KIF1C: variants seen among roughly 807,000 people sequenced by gnomAD.
The protein encoded by KIF1C is kinesin-like protein KIF1C.
KIF1C carries 61 observed loss-of-function variants against 126.5 expected under a neutral mutation model. The ratio of observed to expected loss-of-function variants is 0.48; its 90% CI spans 0.39 to 0.60. KIF1C has a LOEUF of 0.60. Among genes scored for constraint, KIF1C ranks in the 20% least tolerant of loss-of-function variants. The pLI, the probability that KIF1C is intolerant of heterozygous loss-of-function variation, is 0.00. For synonymous variants in KIF1C, 640 were observed against 580.6 expected, an observed-to-expected ratio of 1.10 and a Z score of -1.47; for missense variants, 1,315 against 1,489.2, an observed-to-expected ratio of 0.88 and a Z score of 1.93.
Position 5,020,953 on chromosome 17 carries a change from C to A in KIF1C, c.2010+75C>A. 7.5e-7 allele frequency: 1 copy of A among 1,326,464 alleles called. No homozygotes were observed. Among genetic ancestry groups the A allele is most frequent in the Middle Eastern group, 2.1e-4 (1 of 4,696 alleles). The allele number at this position is 1,326,464 out of a possible 1,614,324, so 82.2% of individuals were successfully genotyped here. ...AGCCTGAGTCCGAGTGCAGTGCTCA[C>A]CGCTGAGCCAGAGTGGGAAATGGGC... On this transcript the variant is annotated intron_variant, in intron 21 of 22. Transcript: ENST00000320785. The surrounding 1 kb of genome is among the most constrained non-coding windows in gnomAD (Gnocchi z 5.8).
chr17:5,022,376 C>G lies in KIF1C; in HGVS notation c.2295C>G (p.Arg765=). Reference sequence around the variant, plus strand: ...ACGAGGTGGCCCTGGCTGACTTCCGCCACGGGCGGGCTGAGATTGAGGCCC... The same window carrying G: ...ACGAGGTGGCCCTGGCTGACTTCCGGCACGGGCGGGCTGAGATTGAGGCCC... The part of the protein sequence containing the change: ...ICYEVALADF[R]HGRAEIEALA... Residue 765 remains arginine (R), a synonymous_variant, in exon 22 of 23, where the codon CGC becomes CGG. Transcript: ENST00000320785. This position sits in a 1 kb window ranked among gnomAD's most constrained non-coding sequence, Gnocchi z 4.9. The G allele has an allele frequency of 6.3e-7, 1 of 1,582,308 alleles. No individual in the cohort carries two copies. The highest frequency in any genetic ancestry group is 8.6e-7 in the Non-Finnish European group (1 of 1,163,216).
intron 12 of KIF1C, 21 bp downstream of exon 12, chr17:5,004,666 A>G: frequency 1.9e-6 from 3 of 1,611,984 alleles, no homozygotes; most frequent in Non-Finnish European, 2.5e-6. Flanking sequence ...TGGCTCTAGC[A>G]GGGATGGGGC....
In KIF1C at chr17:5,022,166, G is replaced by C. The variant is rs1426525617; in HGVS notation, c.2085G>C (p.Leu695Phe). ...CEESWRLISSLREQLPPTTVQ... is the reference protein window; with the variant it reads ...CEESWRLISSFREQLPPTTVQ... ...AGAGCTGGAGGCTCATCTCCTCCTT[G>C]CGGGAGCAGCTGCCGCCCACCACGG... The change falls in exon 22 of 23, where the codon TTG (leucine) becomes TTC (phenylalanine). Residue 695 changes from leucine to phenylalanine, a missense_variant. Physicochemically the swap from Leu to Phe is conservative, Grantham distance 22 (BLOSUM62 0). This residue lies in a region of KIF1C where 874 missense variants were observed against 1,053.2 expected (regional missense o/e 0.83). Coordinates refer to ENST00000320785, the MANE Select transcript of KIF1C (RefSeq NM_006612.6). This position sits in a 1 kb window ranked among gnomAD's most constrained non-coding sequence, Gnocchi z 4.9. The C allele has an allele frequency of 6.2e-7, 1 of 1,614,032 alleles. No individual in the cohort carries two copies.
rs1381413047 is a variant in KIF1C at position 5,025,011 on chromosome 17, CA to C, written c.*861del. ...TCCGCCTCCTGAGTAGCTGGGATTACAGGCATGTGCCACCACGCCCGGCTCA... is the reference window on the plus strand; with the variant it reads ...TCCGCCTCCTGAGTAGCTGGGATTACGGCATGTGCCACCACGCCCGGCTCA... On this transcript the variant is annotated 3_prime_UTR_variant, in exon 23 of 23. Transcript: ENST00000320785. The C allele has an allele frequency of 6.6e-6, 1 of 152,156 alleles. No individual in the cohort carries two copies. The highest frequency in any genetic ancestry group is 6.6e-5 in the Admixed American group (1 of 15,258). 9.4% of individuals were successfully genotyped at this position (152,156 alleles called of 1,614,324 possible).
intron 16 of KIF1C, 69 bp from the exon 17 acceptor site, chr17:5,013,584 C>T (rs915681536): frequency 1.5e-5 from 17 of 1,155,684 alleles, no homozygotes; most frequent in Middle Eastern, 1.9e-4. Flanking sequence ...CTCCTCCCAC[C>T]GCTCCCTTTC....
rs747499692 is a variant in KIF1C at position 5,007,061 on chromosome 17, G to A, written c.1312G>A (p.Glu438Lys). ...CAACACGGAGTCCCAGATTGGGCCT[G>A]AGGAAGCCATGGAGAGGCTGCAGGT... Reference protein sequence around the residue: ...SPNTESQIGPEEAMERLQETE... With the variant: ...SPNTESQIGPKEAMERLQETE... Residue 438 changes from glutamate to lysine, a missense_variant, in exon 14 of 23, where the codon GAG becomes AAG. Physicochemically the swap from Glu to Lys is moderately conservative, Grantham distance 56 (BLOSUM62 1). Around this residue, in one of 2 missense-constraint regions of KIF1C, gnomAD observed 874 missense variants for 1,053.2 expected, o/e 0.83. Transcript: ENST00000320785. 4.3e-5 allele frequency: 68 copies of A among 1,598,914 alleles called. No individual in the cohort carries two copies. Among genetic ancestry groups the A allele is most frequent in the Non-Finnish European group, 5.6e-5 (66 of 1,175,290 alleles).
chr17:5,006,483 C>G (rs566024070), intron 13 of KIF1C, among the ~76,000 whole-genome samples: 1 of 151,680 alleles, frequency 6.6e-6, no homozygotes, highest in Admixed American at 6.6e-5. Context: ...ATTACAGGTG[C>G]CTGCCACCAC....
chr17:4,998,558 C>G (rs77239225), intron 1 of KIF1C, among the ~76,000 whole-genome samples: 14,782 of 152,284 alleles, frequency 0.097, 1,414 homozygotes, highest in African/African-American at 0.24. Context: ...CGTGCCACCC[C>G]ATCCCTGTCC....
intron 13 of KIF1C, among the ~76,000 whole-genome samples, chr17:5,005,314 A>G (rs1251659715): frequency 6.6e-6 from 1 of 152,248 alleles, no homozygotes; most frequent in African/African-American, 2.4e-5. Flanking sequence ...TTAAGAGGCT[A>G]GGCTACTGGG....
At position 5,020,779 on chromosome 17, in the gene KIF1C, C is replaced by A. The variant is rs1354733666; in HGVS notation, c.1938-27C>A. 6.3e-7 allele frequency: 1 copy of A among 1,597,268 alleles called. No individual in the cohort carries two copies. Among genetic ancestry groups the A allele is most frequent in the Admixed American group, 1.8e-5 (1 of 55,976 alleles). ...TTGTCAGATACTCACCAAGGTTGCT[C>A]TTCCTTCCCTCCCTGTCCAATCCCA... is the stretch of plus-strand genomic sequence containing the variant. On this transcript the variant is annotated intron_variant, in intron 20 of 22. Transcript: ENST00000320785. This position sits in a 1 kb window ranked among gnomAD's most constrained non-coding sequence, Gnocchi z 5.8.
At chr17:5,010,961 C>A (rs888412368) in intron 16 of KIF1C, among the ~76,000 whole-genome samples, 2 of 151,714 alleles carry the variant, frequency 1.3e-5, no homozygotes, top group Non-Finnish European at 2.9e-5. Context: ...CAGGCGCCCA[C>A]CACCACTCCT....
In KIF1C at chr17:5,022,831, C is replaced by G; in HGVS notation, c.2628+122C>G. The G allele has an allele frequency of 7.6e-7, 1 of 1,308,254 alleles. No individual in the cohort carries two copies. The highest frequency in any genetic ancestry group is 9.9e-7 in the Non-Finnish European group (1 of 1,011,876). The allele number at this position is 1,308,254 out of a possible 1,614,324, so 81.0% of individuals were successfully genotyped here. A position where few individuals can be genotyped will look rare whatever the true frequency, so the allele number is the denominator to read the frequency against. On this transcript the variant is annotated intron_variant, in intron 22 of 22. Transcript: ENST00000320785. The surrounding 1 kb of genome is among the most constrained non-coding windows in gnomAD (Gnocchi z 4.9). ...GAAAAAATTGCATTGAAGTATAGTACGTTTTTTTCAATATTGTTTACGAAC... is the reference window on the plus strand; with the variant it reads ...GAAAAAATTGCATTGAAGTATAGTAGGTTTTTTTCAATATTGTTTACGAAC...
chr17:5,015,347 G>C (rs1597857349), intron 18 of KIF1C, among the ~76,000 whole-genome samples: 1 of 151,792 alleles, frequency 6.6e-6, no homozygotes, highest in African/African-American at 2.4e-5. Flanking sequence ...GCAATGGCGC[G>C]ATCTGGGCTC....
At position 5,023,181 on chromosome 17, in the gene KIF1C, AT is replaced by A. The variant is rs200967354; in HGVS notation, c.2629-275del. 9.6e-4 allele frequency among the ~76,000 whole-genome samples: 140 copies of A among 145,630 alleles called. No homozygotes were observed. Among genetic ancestry groups the A allele is most frequent in the Admixed American group, 8.2e-4 (12 of 14,578 alleles). On this transcript the variant is annotated intron_variant, in intron 22 of 22. Coordinates refer to ENST00000320785, the MANE Select transcript of KIF1C (RefSeq NM_006612.6). The surrounding 1 kb of genome is among the most constrained non-coding windows in gnomAD (Gnocchi z 4.2). The stretch of plus-strand genomic sequence containing the variant: ...AGGCGCGCACCACCACACCCGGCTA[AT>A]TTTTTTTTTTTGTATTTTAGTAGAG...
intron 16 of KIF1C, chr17:5,011,811 T>G (rs1462009132): frequency 6.6e-6 from 1 of 152,316 alleles, no homozygotes; most frequent in African/African-American, 2.4e-5. Context: ...TTCCCTTCTG[T>G]ACCCTGTGCT....
At chr17:5,021,676 C>T (rs573118886) in intron 21 of KIF1C, among the ~76,000 whole-genome samples, 3 of 151,412 alleles carry the variant, frequency 2.0e-5, no homozygotes, top group Admixed American at 2.0e-4. Flanking sequence ...AGGTGGGGGT[C>T]TCACTACATT....
At chr17:5,014,432 G>C in intron 17 of KIF1C, 1 of 325,462 alleles carries the variant, frequency 3.1e-6, no homozygotes, top group Non-Finnish European at 5.8e-6. Flanking sequence ...AGATAACTCA[G>C]ATCTCTAAAC....
intron 13 of KIF1C, among the ~76,000 whole-genome samples, chr17:5,006,068 G>A (rs957854116): frequency 6.6e-6 from 1 of 150,824 alleles, no homozygotes; most frequent in Admixed American, 6.6e-5. Flanking sequence ...TTAGCTAGGT[G>A]TGGTGGCACG....
chr17:5,012,979 A>C (rs982490386), intron 16 of KIF1C, among the ~76,000 whole-genome samples: 3 of 152,176 alleles, frequency 2.0e-5, no homozygotes, highest in African/African-American at 7.2e-5. Flanking sequence ...GGACAGCCCC[A>C]GGCGGGTGCT....
Sources: gnomAD v4.1 joint callset for allele counts (sites outside exome capture counted in the v4.1 genomes callset) on GRCh38, gnomAD v4.1.1 for gene constraint, gnomAD v4.1.1 regional missense constraint, Gnocchi (gnomAD v3.1) non-coding constraint, MANE v1.5 for transcripts, NCBI Gene and HGNC (gene_info 2026-07-23, HGNC 2026-07-21) for gene names.